Variants in GJA1 observed in about 807,000 individuals in gnomAD.
The protein encoded by GJA1 is gap junction protein alpha 1.
Under a neutral mutation model 31.0 loss-of-function variants are expected in GJA1, and 9 were observed. That is an observed-to-expected ratio of 0.29 (90% CI 0.17 to 0.51). The LOEUF (loss-of-function observed/expected upper bound fraction) is 0.51. GJA1 is among the 20% of genes least tolerant of loss of function. The pLI, the probability that GJA1 is intolerant of heterozygous loss-of-function variation, is 0.98. For synonymous variants in GJA1, 186 were observed against 180.1 expected (o/e 1.03, Z -0.26); for missense variants, 278 against 468.8 (o/e 0.59, Z 3.76).
intron 1 of GJA1, among the ~76,000 whole-genome samples, chr6:121,446,086 A>C (rs1449185606): frequency 6.6e-6 from 1 of 152,200 alleles, no homozygotes; most frequent in Non-Finnish European, 1.5e-5. Context: ...ACCTGAGGTC[A>C]GGAGTTCGAG....
chr6:121,439,148 A>T (rs946787441), intron 1 of GJA1, among the ~76,000 whole-genome samples: 6 of 152,180 alleles, frequency 3.9e-5, no homozygotes, highest in South Asian at 2.1e-4. Context: ...AAAAAATTTT[A>T]AAAAGAAAAT....
rs1457344718 is a variant in GJA1, at chr6:121,447,021, A to G, written c.174A>G (p.Gln58=). 1.2e-6 allele frequency: 2 copies of G among 1,613,836 alleles called. No homozygotes were observed. Among genetic ancestry groups the G allele is most frequent in the East Asian group, 4.5e-5 (2 of 44,860 alleles). Reference sequence around the variant, plus strand: ...CTGCCTTTCGTTGTAACACTCAGCAACCTGGTTGTGAAAATGTCTGCTATG... The same window carrying G: ...CTGCCTTTCGTTGTAACACTCAGCAGCCTGGTTGTGAAAATGTCTGCTATG... ...EQSAFRCNTQ[Q]PGCENVCYDK... Residue 58 remains glutamine (Q), a synonymous_variant, in exon 2 of 2, where the codon CAA becomes CAG. Transcript: ENST00000282561.
intron 1 of GJA1, among the ~76,000 whole-genome samples, chr6:121,440,026 C>T (rs1206081579): frequency 6.6e-6 from 1 of 152,164 alleles, no homozygotes; most frequent in Non-Finnish European, 1.5e-5. Flanking sequence ...TTAATATCAA[C>T]TGCTGCTCTT....
chr6:121,438,690 A>G (rs1773712223), intron 1 of GJA1, among the ~76,000 whole-genome samples: 1 of 152,212 alleles, frequency 6.6e-6, no homozygotes, highest in Non-Finnish European at 1.5e-5. Context: ...ACACCAGTTC[A>G]ACTCTGGAGA....
In GJA1 at chr6:121,447,206, G is replaced by A; in HGVS notation, c.359G>A (p.Gly120Asp). 6.2e-7 allele frequency: 1 copy of A among 1,614,010 alleles called. No individual in the cohort carries two copies. The highest frequency in any genetic ancestry group is 8.5e-7 in the Non-Finnish European group (1 of 1,179,916). ...EEELKVAQTD[G>D]VNVDMHLKQI... Reference sequence around the variant, plus strand: ...GAACTCAAGGTTGCCCAAACTGATGGTGTCAATGTGGACATGCACTTGAAG... The same window carrying A: ...GAACTCAAGGTTGCCCAAACTGATGATGTCAATGTGGACATGCACTTGAAG... The change falls in exon 2 of 2, where the codon GGT (glycine) becomes GAT (aspartate). Residue 120 changes from glycine (G) to aspartate (D), a missense_variant. Physicochemically the swap from Gly to Asp is moderately conservative, Grantham distance 94. This residue lies in a region of GJA1 where 80 missense variants were observed against 163.5 expected (regional missense o/e 0.49). Coordinates refer to ENST00000282561, the MANE Select transcript of GJA1 (RefSeq NM_000165.5).
rs758246397 is a variant in GJA1 at position 121,447,453 on chromosome 6, C to T, written c.606C>T (p.Arg202=). 25 of 1,613,898 alleles carry T rather than the reference C, an allele frequency of 1.5e-5. No individual in the cohort carries two copies. Among genetic ancestry groups the T allele is most frequent in the Non-Finnish European group, 2.0e-5 (24 of 1,179,960 alleles). The change falls in exon 2 of 2, where the codon CGC becomes CGT. Residue 202 remains arginine (R), a synonymous_variant. Transcript: ENST00000282561. ...CPHQVDCFLS[R]PTEKTIFIIF... ...ATCAGGTGGACTGTTTCCTCTCTCGCCCCACGGAGAAAACCATCTTCATCA... is the reference window on the plus strand; with the variant it reads ...ATCAGGTGGACTGTTTCCTCTCTCGTCCCACGGAGAAAACCATCTTCATCA...
chr6:121,436,721 T>TA (rs1285540108), intron 1 of GJA1, among the ~76,000 whole-genome samples: 1 of 151,650 alleles, frequency 6.6e-6, no homozygotes, highest in East Asian at 1.9e-4. Context: ...AAAACTTTCT[T>TA]AAACAGCGCT....
chr6:121,440,973 C>T (rs1349937588), intron 1 of GJA1, among the ~76,000 whole-genome samples: 2 of 150,038 alleles, frequency 1.3e-5, no homozygotes, highest in Admixed American at 1.3e-4. Flanking sequence ...GACGGAGTCT[C>T]GCTCTGTCGC....
intron 1 of GJA1, among the ~76,000 whole-genome samples, chr6:121,440,207 C>CT (rs3840370): frequency 0.081 from 11,788 of 145,636 alleles, 1,398 homozygotes; most frequent in African/African-American, 0.27. Context: ...GTGTTTTTTC[C>CT]TTTTTTTTTT....
rs1489369253 is a variant in GJA1 at position 121,448,254 on chromosome 6, AAG to A, written c.*261_*262del. On this transcript the variant is annotated 3_prime_UTR_variant, in exon 2 of 2. Transcript: ENST00000282561. ...GATTCAAAGAACTTAGATTATAAAT[AAG>A]AGTTCCATTAGGTGATACATAGATA... 1 of 545,440 alleles carries A rather than the reference AAG, an allele frequency of 1.8e-6. No individual in the cohort carries two copies. The highest frequency in any genetic ancestry group is 3.4e-6 in the Non-Finnish European group (1 of 294,754). 33.8% of individuals were successfully genotyped at this position (545,440 alleles called of 1,614,324 possible).
rs1278010288 is a variant in GJA1 at position 121,447,523 on chromosome 6, A to G, written c.676A>G (p.Ile226Val). The change falls in exon 2 of 2, where the codon ATT becomes GTT. Residue 226 changes from isoleucine (I) to valine (V), a missense_variant. Physicochemically the swap from Ile to Val is conservative, Grantham distance 29. Coordinates refer to ENST00000282561, the MANE Select transcript of GJA1 (RefSeq NM_000165.5). ...CTTGGTGTCCCTGGCCTTGAATATCATTGAACTCTTCTATGTTTTCTTCAA... is the reference window on the plus strand; with the variant it reads ...CTTGGTGTCCCTGGCCTTGAATATCGTTGAACTCTTCTATGTTTTCTTCAA... ...VSLVSLALNI[I>V]ELFYVFFKGV... 5.0e-6 allele frequency: 8 copies of G among 1,613,754 alleles called. No individual in the cohort carries two copies. The highest frequency in any genetic ancestry group is 6.8e-6 in the Non-Finnish European group (8 of 1,179,900).
At position 121,436,185 on chromosome 6, in the gene GJA1, G is replaced by T. The variant is rs765392573; in HGVS notation, c.-17+353G>T. On this transcript the variant is annotated intron_variant, in intron 1 of 1. Transcript: ENST00000282561. ...GTCTAGGTGCTATCATTTGTTGGGT[G>T]GGGGGGGGGCGGTTAGGCGCCTGGG... is the stretch of plus-strand genomic sequence containing the variant. Among the ~76,000 whole-genome samples the T allele has an allele frequency of 5.4e-4, 22 of 40,782 alleles. 1 individual carries two copies. The Admixed American group carries it at 5.7e-3, about 11-fold the overall frequency. 26.8% of individuals were successfully genotyped at this position (40,782 alleles called of 152,430 possible).
In GJA1 at chr6:121,438,899, CTG is replaced by C. The variant is rs71880822; in HGVS notation, c.-17+3070_-17+3071del. Reference sequence around the variant, plus strand: ...AGATTGTCTTTTACCTATTTTCAAACTGTGGTTAGCTCTTTTTTTTTAATACA... The same window carrying C: ...AGATTGTCTTTTACCTATTTTCAAACTGGTTAGCTCTTTTTTTTTAATACA... On this transcript the variant is annotated intron_variant, in intron 1 of 1. Coordinates refer to ENST00000282561, the MANE Select transcript of GJA1 (RefSeq NM_000165.5). 8.4e-3 allele frequency among the ~76,000 whole-genome samples: 1,268 copies of C among 151,792 alleles called. 18 individuals carry two copies. Among genetic ancestry groups the C allele is most frequent in the African/African-American group, 0.029 (1,208 of 41,526 alleles).
chr6:121,446,525 G>GC (rs1349426057), intron 1 of GJA1, among the ~76,000 whole-genome samples: 1 of 152,166 alleles, frequency 6.6e-6, no homozygotes, highest in African/African-American at 2.4e-5. Context: ...AGCACAGGTG[G>GC]CTTCTCAAGT....
chr6:121,444,204 T>A (rs1301584315), intron 1 of GJA1, among the ~76,000 whole-genome samples: 1 of 152,218 alleles, frequency 6.6e-6, no homozygotes, highest in African/African-American at 2.4e-5. Flanking sequence ...TTGACTGCTG[T>A]TTTAAATTGA....
At chr6:121,442,130 A>G (rs2090474461) in intron 1 of GJA1, among the ~76,000 whole-genome samples, 1 of 152,176 alleles carries the variant, frequency 6.6e-6, no homozygotes, top group East Asian at 1.9e-4. Flanking sequence ...TCTTTCAATC[A>G]TAAAAAGATG....
chr6:121,443,635 A>G (rs1030014953), intron 1 of GJA1, among the ~76,000 whole-genome samples: 2 of 152,128 alleles, frequency 1.3e-5, no homozygotes, highest in Non-Finnish European at 2.9e-5. Context: ...ACTTTCAGGG[A>G]TCATTTCTAT....
intron 1 of GJA1, among the ~76,000 whole-genome samples, chr6:121,437,837 CAAGA>C (rs1773695384): frequency 6.6e-6 from 1 of 152,126 alleles, no homozygotes; most frequent in Non-Finnish European, 1.5e-5. Context: ...TTAGTAACGA[CAAGA>C]AAGATACTGA....
In GJA1 at chr6:121,447,790, G is replaced by T. The variant is rs1295273718; in HGVS notation, c.943G>T (p.Ala315Ser). 6.2e-7 allele frequency: 1 copy of T among 1,613,988 alleles called. No homozygotes were observed. The highest frequency in any genetic ancestry group is 1.1e-5 in the South Asian group (1 of 91,074). Residue 315 changes from alanine (A) to serine (S), a missense_variant, in exon 2 of 2, where the codon GCA becomes TCA. Coordinates refer to ENST00000282561, the MANE Select transcript of GJA1 (RefSeq NM_000165.5). ...ASEQNWANYSAEQNRMGQAGS... is the reference protein window; with the variant it reads ...ASEQNWANYSSEQNRMGQAGS... ...TGAGCAAAACTGGGCTAATTACAGT[G>T]CAGAACAAAATCGAATGGGGCAGGC... is the stretch of plus-strand genomic sequence containing the variant.
Sources: allele counts gnomAD v4.1 joint callset (sites outside exome capture counted in the v4.1 genomes callset), GRCh38; gene constraint gnomAD v4.1.1; regional missense constraint gnomAD v4.1.1; transcripts MANE v1.5; gene names NCBI Gene and HGNC (gene_info 2026-07-23, HGNC 2026-07-21).